Variants in LGI1 observed in about 807,000 individuals in gnomAD.
LGI1 encodes the protein leucine-rich glioma-inactivated protein 1.
LGI1 carries 11 observed loss-of-function variants against 57.7 expected under a neutral mutation model. That is an observed-to-expected ratio of 0.19 (90% CI 0.12 to 0.32). LGI1 has a LOEUF of 0.32. Ranked by LOEUF, LGI1 falls within the 10% of genes least tolerant of loss-of-function variation. The pLI, the probability that LGI1 is intolerant of heterozygous loss-of-function variation, is 1.00. For missense variants in LGI1, 422 were observed against 661.9 expected (o/e 0.64, Z 3.98); for synonymous variants, 222 against 241.9 (o/e 0.92, Z 0.76).
Position 93,758,203 on chromosome 10 carries a change from C to T in LGI1, c.59C>T (p.Ala20Val). The part of the protein sequence containing the change: ...GNACIPLKRI[A>V]YFLCLLSALL... ...GCCTGCATTCCCCTGAAAAGAATTG[C>T]TTATTTCCTATGTCTCTTATCTGCG... Residue 20 changes from alanine (A) to valine (V), a missense_variant, in exon 1 of 8, where the codon GCT (alanine) becomes GTT (valine). By Grantham distance (64) the Ala-to-Val change is moderately conservative. This residue lies in a region of LGI1 where 58 missense variants were observed against 61.8 expected (regional missense o/e 0.94). Coordinates refer to ENST00000371418, the MANE Select transcript of LGI1 (RefSeq NM_005097.4). The surrounding 1 kb of genome is among the most constrained non-coding windows in gnomAD (Gnocchi z 4.7). The T allele has an allele frequency of 6.2e-7, 1 of 1,614,158 alleles. No homozygotes were observed. The highest frequency in any genetic ancestry group is 8.5e-7 in the Non-Finnish European group (1 of 1,180,010).
chr10:93,765,965 G>C (rs764593984), intron 2 of LGI1, among the ~76,000 whole-genome samples: 2 of 89,842 alleles, frequency 2.2e-5, no homozygotes, highest in Non-Finnish European at 4.3e-5. Context: ...GTAAGCCTCC[G>C]TCTCAAAAAA....
intron 2 of LGI1, chr10:93,767,939 C>T (rs2059695937): frequency 6.6e-6 from 1 of 152,088 alleles, no homozygotes; most frequent in Admixed American, 6.5e-5. Context: ...CAAGCATTTC[C>T]CTGGGTATGT....
At chr10:93,792,453 T>G (rs2059945165) in intron 5 of LGI1, 1 of 351,762 alleles carries the variant, frequency 2.8e-6, no homozygotes, top group Non-Finnish European at 5.2e-6. Context: ...TAAATTACAA[T>G]TACGGTTCAT....
chr10:93,758,579 G>A lies in LGI1; in HGVS notation c.216-181G>A, dbSNP rs1392521263. On this transcript the variant is annotated intron_variant, in intron 1 of 7. Transcript: ENST00000371418. The surrounding 1 kb of genome is among the most constrained non-coding windows in gnomAD (Gnocchi z 4.7). ...CCCCCAGCCCTGAACATTATCATGA[G>A]AAACCTGTAGCCGATTCATTTCTCT... 8 of 688,562 alleles carry A rather than the reference G, an allele frequency of 1.2e-5. No homozygotes were observed. The highest frequency in any genetic ancestry group is 7.2e-5 in the African/African-American group (4 of 55,880). The allele number at this position is 688,562 out of a possible 1,614,324, so 42.7% of individuals were successfully genotyped here.
At chr10:93,772,545 T>C (rs1201652150) in intron 2 of LGI1, 1 of 152,164 alleles carries the variant, frequency 6.6e-6, no homozygotes, top group African/African-American at 2.4e-5. Context: ...GAAAAATTGA[T>C]TGTCATGAGA....
intron 2 of LGI1, chr10:93,764,558 G>T (rs190638599): frequency 6.6e-6 from 1 of 152,178 alleles, no homozygotes. Flanking sequence ...TGACCCTGGT[G>T]AGCTGGCAAT....
chr10:93,767,239 A>G (rs2059688980), intron 2 of LGI1: 1 of 150,932 alleles, frequency 6.6e-6, no homozygotes, highest in African/African-American at 2.5e-5. Flanking sequence ...CTTAAACAAA[A>G]ATAGAGAGAA....
chr10:93,761,764 A>T (rs888846387), intron 2 of LGI1, among the ~76,000 whole-genome samples: 5 of 152,238 alleles, frequency 3.3e-5, no homozygotes, highest in South Asian at 2.1e-4. Context: ...TACATTTTTT[A>T]AAAATCTCAT....
At chr10:93,796,197 C>T (rs2059978221) in intron 7 of LGI1, among the ~76,000 whole-genome samples, 2 of 152,234 alleles carry the variant, frequency 1.3e-5, no homozygotes, top group Non-Finnish European at 2.9e-5. Flanking sequence ...CCTTTTCCTT[C>T]TCTTCACTCC....
At chr10:93,771,613 A>G (rs2059741594) in intron 2 of LGI1, 1 of 152,202 alleles carries the variant, frequency 6.6e-6, no homozygotes, top group South Asian at 2.1e-4. Context: ...CCCAGACTTC[A>G]CCACTACACA....
Position 93,785,748 on chromosome 10 carries a change from C to T in LGI1, c.432-4351C>T, listed in dbSNP as rs57939561. 2.9e-3 allele frequency among the ~76,000 whole-genome samples: 141 copies of T among 48,368 alleles called. 39 individuals are homozygous for T. The highest frequency in any genetic ancestry group is 3.7e-3 in the African/African-American group (129 of 34,648). The allele number at this position is 48,368 out of a possible 152,430, so 31.7% of individuals were successfully genotyped here. A position where few individuals can be genotyped will look rare whatever the true frequency, so the allele number is the denominator to read the frequency against. ...TATTTTGCTTTCTGGTAGCAAAACTCGGTGCAGAGGTGGAATCTGAAGAAT... is the reference window on the plus strand; with the variant it reads ...TATTTTGCTTTCTGGTAGCAAAACTTGGTGCAGAGGTGGAATCTGAAGAAT... On this transcript the variant is annotated intron_variant, in intron 4 of 7. Transcript: ENST00000371418.
rs1259612432 is a variant in LGI1 at position 93,758,306 on chromosome 10, A to G, written c.162A>G (p.Leu54=). ...AVCTCTKDNA[L]CENARSIPRT... is the part of the protein sequence containing the mutation. ...GTACTTGTACCAAAGATAATGCTTTATGTGAGAATGCCAGATCCATTCCAC... is the reference window on the plus strand; with the variant it reads ...GTACTTGTACCAAAGATAATGCTTTGTGTGAGAATGCCAGATCCATTCCAC... The change falls in exon 1 of 8, where the codon TTA becomes TTG. Residue 54 remains leucine, a synonymous_variant. Coordinates refer to ENST00000371418, the MANE Select transcript of LGI1 (RefSeq NM_005097.4). This position sits in a 1 kb window ranked among gnomAD's most constrained non-coding sequence, Gnocchi z 4.7. 6.2e-7 allele frequency: 1 copy of G among 1,614,208 alleles called. No individual in the cohort carries two copies. Among genetic ancestry groups the G allele is most frequent in the Admixed American group, 1.7e-5 (1 of 60,030 alleles).
intron 5 of LGI1, 108 bp downstream of exon 5, chr10:93,790,278 G>A: frequency 1.9e-6 from 2 of 1,037,280 alleles, no homozygotes; most frequent in Non-Finnish European, 2.8e-6. Context: ...ATTAAAATTA[G>A]GATTTTTAAA....
intron 2 of LGI1, among the ~76,000 whole-genome samples, chr10:93,761,961 C>T (rs776564184): frequency 6.6e-6 from 1 of 152,164 alleles, no homozygotes; most frequent in Non-Finnish European, 1.5e-5. Context: ...ACATTACAGC[C>T]CTGTTCCTTC....
chr10:93,777,259 A>C (rs1041132110), intron 2 of LGI1, 120 bp from the exon 3 acceptor site: 5 of 826,434 alleles, frequency 6.1e-6, no homozygotes, highest in Non-Finnish European at 8.4e-6. Flanking sequence ...ACACTGTAGC[A>C]GACAGCCATG....
At chr10:93,766,589 C>T (rs889724448) in intron 2 of LGI1, among the ~76,000 whole-genome samples, 2 of 140,456 alleles carry the variant, frequency 1.4e-5, no homozygotes, top group South Asian at 2.3e-4. Context: ...ACTGCAAGCT[C>T]CGCCTCCCGG....
At position 93,797,777 on chromosome 10, in the gene LGI1, C is replaced by T; in HGVS notation, c.1648C>T (p.His550Tyr). The T allele has an allele frequency of 6.2e-7, 1 of 1,603,416 alleles. No homozygotes were observed. Among genetic ancestry groups the T allele is most frequent in the African/African-American group, 1.3e-5 (1 of 75,042 alleles). ...SFKGNTQIYK[H>Y]VIVDLSA ...TAAGGGAAATACACAGATTTACAAA[C>T]ATGTCATAGTTGACTTAAGCGCATG... The change falls in exon 8 of 8, where the codon CAT becomes TAT. Residue 550 changes from histidine (H) to tyrosine (Y), a missense_variant. Physicochemically the swap from His to Tyr is moderately conservative, Grantham distance 83 (BLOSUM62 2). Transcript: ENST00000371418. This position sits in a 1 kb window ranked among gnomAD's most constrained non-coding sequence, Gnocchi z 6.5.
chr10:93,778,281 T>C (rs1028518177), intron 4 of LGI1, among the ~76,000 whole-genome samples: 1 of 151,886 alleles, frequency 6.6e-6, no homozygotes, highest in South Asian at 2.1e-4. Flanking sequence ...TGAGAAACCC[T>C]GAACAACAGG....
At chr10:93,770,756 G>T (rs1047243072) in intron 2 of LGI1, 2 of 151,894 alleles carry the variant, frequency 1.3e-5, no homozygotes, top group Non-Finnish European at 2.9e-5. Flanking sequence ...TCTGATCCCA[G>T]AGCAATATTA....
Sources: gnomAD v4.1 joint callset for allele counts (sites outside exome capture counted in the v4.1 genomes callset) on GRCh38, gnomAD v4.1.1 for gene constraint, gnomAD v4.1.1 regional missense constraint, Gnocchi (gnomAD v3.1) non-coding constraint, MANE v1.5 for transcripts, NCBI Gene and HGNC (gene_info 2026-07-23, HGNC 2026-07-21) for gene names.